The following BCO2 variants were observed in gnomAD, a reference collection of about 807,000 sequenced individuals.
The protein encoded by BCO2 is carotenoid-cleaving dioxygenase, mitochondrial.
Under a neutral mutation model 65.8 loss-of-function variants are expected in BCO2, and 56 were observed. The observed-to-expected ratio is 0.85, with a 90% CI of 0.69 to 1.06. The LOEUF is 1.06. BCO2 is among the 50% of genes least tolerant of loss of function. The pLI is 0.00. For synonymous variants in BCO2, 233 were observed against 242.3 expected (o/e 0.96, Z 0.36); for missense variants, 675 against 698.5 (o/e 0.97, Z 0.38).
Position 112,199,690 on chromosome 11 carries a change from AT to A in BCO2, c.737-4del. On this transcript the variant is annotated splice_region_variant and splice_polypyrimidine_tract_variant and intron_variant, in intron 5 of 11. Transcript: ENST00000357685. ...TAAAACAGGTAAGATAGGACTTTTC[AT>A]TTTTCAGGTTTCTCCTATAAGGTTA... 6.2e-7 allele frequency: 1 copy of A among 1,612,316 alleles called. No individual in the cohort carries two copies. The highest frequency in any genetic ancestry group is 1.1e-5 in the South Asian group (1 of 90,984).
chr11:112,181,193 T>C, intron 2 of BCO2: 1 of 938,294 alleles, frequency 1.1e-6, no homozygotes, highest in East Asian at 2.5e-5. Context: ...TTTTTTTTTT[T>C]TTTTTTGAGA....
chr11:112,184,154 T>C (rs1044590265), intron 2 of BCO2, among the ~76,000 whole-genome samples: 3 of 152,244 alleles, frequency 2.0e-5, no homozygotes, highest in Non-Finnish European at 4.4e-5. Flanking sequence ...AATCCAGAGC[T>C]ACTGCAATCA....
chr11:112,206,678 C>T (rs779416531), intron 8 of BCO2, among the ~76,000 whole-genome samples: 4 of 152,070 alleles, frequency 2.6e-5, no homozygotes, highest in Admixed American at 6.5e-5. Flanking sequence ...GCCCATAGGT[C>T]GCCTTTTCGT....
chr11:112,190,353 C>G (rs879436212), intron 2 of BCO2, among the ~76,000 whole-genome samples: 4 of 152,074 alleles, frequency 2.6e-5, no homozygotes, highest in Non-Finnish European at 5.9e-5. Context: ...AAACAGAATT[C>G]AATACCACAT....
chr11:112,214,361 C>T (rs994408475), intron 9 of BCO2, among the ~76,000 whole-genome samples: 1 of 152,036 alleles, frequency 6.6e-6, no homozygotes, highest in Non-Finnish European at 1.5e-5. Context: ...GTTGGCCAGG[C>T]TAGTCTCGAA....
At chr11:112,216,797 T>G (rs2135400895) in intron 11 of BCO2, among the ~76,000 whole-genome samples, 1 of 152,338 alleles carries the variant, frequency 6.6e-6, no homozygotes, top group South Asian at 2.1e-4. Flanking sequence ...AGTGTCCCAA[T>G]AACACTATGC....
intron 8 of BCO2, among the ~76,000 whole-genome samples, chr11:112,204,253 GA>G (rs1460963909): frequency 6.6e-6 from 1 of 152,156 alleles, no homozygotes; most frequent in East Asian, 1.9e-4. Flanking sequence ...CCTTTTCTAA[GA>G]TTGAGTAATA....
At chr11:112,175,752 C>A in intron 1 of BCO2, 63 bp downstream of exon 1, 3 of 1,416,748 alleles carry the variant, frequency 2.1e-6, no homozygotes, top group South Asian at 1.2e-5. Flanking sequence ...GCTTAGAATT[C>A]TGTGCCTCTT....
rs1302519903 is a variant in BCO2 at position 112,213,880 on chromosome 11, T to A, written c.1332+19T>A. ...TGGAACGGTATGCTATGAACAGACA[T>A]TAGACTAAGACTTTGAACTTTAATG... On this transcript the variant is annotated intron_variant, in intron 9 of 11. Coordinates refer to ENST00000357685, the MANE Select transcript of BCO2 (RefSeq NM_031938.7). 1 of 1,521,040 alleles carries A rather than the reference T, an allele frequency of 6.6e-7. No individual in the cohort carries two copies. The highest frequency in any genetic ancestry group is 1.9e-5 in the Admixed American group (1 of 51,808). 94.2% of individuals were successfully genotyped at this position (1,521,040 alleles called of 1,614,324 possible).
In BCO2 at chr11:112,215,153, T is replaced by C. The variant is rs1859633069; in HGVS notation, c.1515+209T>C. On this transcript the variant is annotated intron_variant, in intron 10 of 11. Transcript: ENST00000357685. The stretch of plus-strand genomic sequence containing the variant: ...GACCCCAGGCCCAGCAAAATAATTC[T>C]ATGTTTGATTTTGATGTTATTTTGG... The C allele has an allele frequency of 8.9e-6, 5 of 564,758 alleles. No homozygotes were observed. In the East Asian group the frequency reaches 1.5e-4, roughly 17 times the overall value. 35.0% of individuals were successfully genotyped at this position (564,758 alleles called of 1,614,324 possible).
chr11:112,178,928 T>C (rs1230795380), intron 1 of BCO2, among the ~76,000 whole-genome samples: 1 of 152,222 alleles, frequency 6.6e-6, no homozygotes, highest in African/African-American at 2.4e-5. Flanking sequence ...GGGGTTGGCA[T>C]GTAGATTTAT....
At position 112,181,339 on chromosome 11, in the gene BCO2, G is replaced by A. The variant is rs1428304682; in HGVS notation, c.293+1857G>A. The A allele has an allele frequency of 3.7e-4, 192 of 525,712 alleles. 3 individuals carry two copies. In the South Asian group the frequency reaches 3.8e-3, roughly 10 times the overall value. The allele number at this position is 525,712 out of a possible 1,614,324, so 32.6% of individuals were successfully genotyped here. On this transcript the variant is annotated intron_variant, in intron 2 of 11. Coordinates refer to ENST00000357685, the MANE Select transcript of BCO2 (RefSeq NM_031938.7). Reference sequence around the variant, plus strand: ...TGGGACTACAGGCGCCCGCCACTACGCCCGGCTAATTTTTTGTATTTTTAG... The same window carrying A: ...TGGGACTACAGGCGCCCGCCACTACACCCGGCTAATTTTTTGTATTTTTAG...
chr11:112,193,805 C>T, intron 3 of BCO2, 74 bp from the exon 4 acceptor site: 1 of 1,478,194 alleles, frequency 6.8e-7, no homozygotes, highest in Non-Finnish European at 9.4e-7. Context: ...AAACTGCTTT[C>T]TCCCTTTGAG....
rs141356272 is a variant in BCO2, at chr11:112,211,558, G to A, written c.1195-2166G>A. On this transcript the variant is annotated intron_variant, in intron 8 of 11. Coordinates refer to ENST00000357685, the MANE Select transcript of BCO2 (RefSeq NM_031938.7). ...ACAACCAAACTATTTTTCTACGGTG[G>A]CCACAGCATTTTTCTACCATCAGCA... Among the ~76,000 whole-genome samples, 5 of 152,026 alleles carry A rather than the reference G, an allele frequency of 3.3e-5. No homozygotes were observed. In the East Asian group the frequency reaches 9.6e-4, roughly 29 times the overall value.
At chr11:112,215,045 T>G (rs767489184) in intron 10 of BCO2, 101 bp downstream of exon 10, 1 of 1,163,762 alleles carries the variant, frequency 8.6e-7, no homozygotes. Flanking sequence ...CTTCAGTATT[T>G]AAGCAGCTGA....
chr11:112,199,621 C>A, intron 5 of BCO2, 78 bp from the exon 6 acceptor site: 1 of 1,343,806 alleles, frequency 7.4e-7, no homozygotes, highest in East Asian at 2.3e-5. Flanking sequence ...TTGCTTTTGG[C>A]AAGTCCACAA....
intron 2 of BCO2, chr11:112,182,027 T>A: frequency 2.6e-6 from 1 of 388,962 alleles, no homozygotes; most frequent in Non-Finnish European, 4.7e-6. Flanking sequence ...AACAACCCCA[T>A]CAAAAAGTGG....
At chr11:112,214,700 C>A in intron 9 of BCO2, 62 bp from the exon 10 acceptor site, 1 of 1,418,792 alleles carries the variant, frequency 7.0e-7, no homozygotes, top group Non-Finnish European at 9.8e-7. Flanking sequence ...TCCTCACTGA[C>A]CTACATAAGA....
At chr11:112,211,211 T>C (rs1487228346) in intron 8 of BCO2, among the ~76,000 whole-genome samples, 5 of 152,244 alleles carry the variant, frequency 3.3e-5, no homozygotes, top group Admixed American at 2.0e-4. Context: ...ATACTTGTCC[T>C]TTTGTGTCTG....
Sources: allele counts gnomAD v4.1 joint callset (sites outside exome capture counted in the v4.1 genomes callset), GRCh38; gene constraint gnomAD v4.1.1; transcripts MANE v1.5; gene names NCBI Gene and HGNC (gene_info 2026-07-23, HGNC 2026-07-21).